Variants in TANGO6 observed in about 807,000 individuals in gnomAD.
TANGO6 encodes transport and golgi organization 6 homolog.
Under a neutral mutation model 114.2 loss-of-function variants are expected in TANGO6, and 90 were observed. The ratio of observed to expected loss-of-function variants is 0.79; its 90% CI spans 0.66 to 0.94. The LOEUF (loss-of-function observed/expected upper bound fraction) is 0.94, where lower values mean the gene tolerates loss of function less well. TANGO6 is among the 40% of genes least tolerant of loss of function. TANGO6 has a pLI of 0.00. For missense variants in TANGO6, 1,274 were observed against 1,315.3 expected, an observed-to-expected ratio of 0.97 and a Z score of 0.49; for synonymous variants, 477 against 509.8, an observed-to-expected ratio of 0.94 and a Z score of 0.87.
chr16:68,926,652 C>T (rs1183330854), intron 12 of TANGO6, among the ~76,000 whole-genome samples: 5 of 151,724 alleles, frequency 3.3e-5, no homozygotes, highest in South Asian at 4.2e-4. Context: ...CTCAGCCTTC[C>T]GAGTAGCTGG....
chr16:68,908,948 G>A (rs1962887150), intron 10 of TANGO6, among the ~76,000 whole-genome samples: 1 of 152,064 alleles, frequency 6.6e-6, no homozygotes, highest in Admixed American at 6.6e-5. Flanking sequence ...ACTCAGTAGT[G>A]TTTTTGAGAT....
intron 15 of TANGO6, among the ~76,000 whole-genome samples, chr16:68,985,627 C>A (rs1276679056): frequency 1.3e-5 from 2 of 152,140 alleles, no homozygotes; most frequent in African/African-American, 4.8e-5. Context: ...GTGGGAAGAT[C>A]ACCTGAGCCC....
At chr16:68,987,306 T>G (rs544461551) in intron 15 of TANGO6, among the ~76,000 whole-genome samples, 2 of 152,196 alleles carry the variant, frequency 1.3e-5, no homozygotes, top group Non-Finnish European at 2.9e-5. Context: ...TTCACCAAAG[T>G]GGAATTACTG....
intron 9 of TANGO6, 31 bp from the exon 10 acceptor site, chr16:68,907,412 C>T (rs1962866809): frequency 1.3e-6 from 2 of 1,546,480 alleles, no homozygotes; most frequent in Middle Eastern, 1.7e-4. Flanking sequence ...TCTGGTGACA[C>T]TACCAAGATA....
chr16:68,867,462 T>C, intron 4 of TANGO6: 2 of 426,798 alleles, frequency 4.7e-6, no homozygotes, highest in South Asian at 3.5e-5. Context: ...AACAATATTG[T>C]AAGCCATTTC....
chr16:68,871,373 T>C (rs985805907), intron 4 of TANGO6, among the ~76,000 whole-genome samples: 8 of 152,206 alleles, frequency 5.3e-5, no homozygotes, highest in African/African-American at 1.7e-4. Flanking sequence ...TGATGTACCT[T>C]GGTGTGGTGT....
chr16:68,886,313 G>A (rs553087934), intron 7 of TANGO6, among the ~76,000 whole-genome samples: 1 of 151,334 alleles, frequency 6.6e-6, no homozygotes, highest in Admixed American at 6.6e-5. Flanking sequence ...TGCCTCCCAG[G>A]TTCAAGCAAT....
intron 5 of TANGO6, among the ~76,000 whole-genome samples, chr16:68,877,071 T>A (rs907288293): frequency 1.3e-5 from 2 of 152,232 alleles, no homozygotes; most frequent in African/African-American, 2.4e-5. Context: ...TTCAAAGGTT[T>A]TATGCATTTA....
At chr16:69,080,002 C>G (rs1029619700) in intron 17 of TANGO6, among the ~76,000 whole-genome samples, 1 of 152,176 alleles carries the variant, frequency 6.6e-6, no homozygotes, top group African/African-American at 2.4e-5. Context: ...GGGAGAATCA[C>G]TTGAGGCCAG....
intron 7 of TANGO6, among the ~76,000 whole-genome samples, chr16:68,891,148 C>T (rs753080982): frequency 1.5e-4 from 22 of 148,868 alleles, no homozygotes; most frequent in Middle Eastern, 7.1e-3. Context: ...AAAAATTAGC[C>T]GGGTGTGGTG....
chr16:68,879,959 A>G (rs115318827), intron 6 of TANGO6, among the ~76,000 whole-genome samples: 3,545 of 149,396 alleles, frequency 0.024, 138 homozygotes, highest in African/African-American at 0.083. Flanking sequence ...TTTTTATTCA[A>G]TTAAGTTTAA....
intron 14 of TANGO6, among the ~76,000 whole-genome samples, chr16:68,966,063 C>T (rs2152210533): frequency 6.6e-6 from 1 of 151,654 alleles, no homozygotes; most frequent in Admixed American, 6.6e-5. Context: ...AAGACCTCGT[C>T]TCCACAAAAA....
intron 14 of TANGO6, among the ~76,000 whole-genome samples, chr16:68,947,586 T>C (rs1567546192): frequency 6.8e-6 from 1 of 147,656 alleles, no homozygotes; most frequent in Non-Finnish European, 1.5e-5. Flanking sequence ...ATAACCCATC[T>C]CTTTTTTTTT....
chr16:68,911,247 C>T (rs187728798), intron 11 of TANGO6, among the ~76,000 whole-genome samples: 23 of 151,778 alleles, frequency 1.5e-4, no homozygotes, highest in Admixed American at 4.6e-4. Context: ...CCACCGTGCC[C>T]AGCTTAAAAC....
At chr16:68,988,994 T>A (rs1420807912) in intron 15 of TANGO6, among the ~76,000 whole-genome samples, 1 of 152,024 alleles carries the variant, frequency 6.6e-6, no homozygotes, top group Non-Finnish European at 1.5e-5. Flanking sequence ...GTTTCCCAAG[T>A]ATGGGACTAC....
chr16:68,892,356 T>A (rs1439779756), intron 7 of TANGO6, among the ~76,000 whole-genome samples: 1 of 152,216 alleles, frequency 6.6e-6, no homozygotes, highest in Non-Finnish European at 1.5e-5. Context: ...GGAAGAAATG[T>A]GGAAATCCCC....
At chr16:68,929,452 G>A (rs561310931) in intron 13 of TANGO6, among the ~76,000 whole-genome samples, 13 of 152,134 alleles carry the variant, frequency 8.5e-5, no homozygotes, top group Admixed American at 3.9e-4. Context: ...AAAACTGGCC[G>A]TCTTCCTAAC....
At chr16:68,979,475 C>T (rs1185314110) in intron 15 of TANGO6, among the ~76,000 whole-genome samples, 1 of 152,082 alleles carries the variant, frequency 6.6e-6, no homozygotes, top group African/African-American at 2.4e-5. Context: ...GGTGATCCAC[C>T]CACCTCAGCC....
chr16:69,038,992 G>A (rs1461105731), intron 16 of TANGO6, among the ~76,000 whole-genome samples: 1 of 152,158 alleles, frequency 6.6e-6, no homozygotes, highest in Non-Finnish European at 1.5e-5. Flanking sequence ...GACCATCCTG[G>A]CTAACACGGT....
Sources: allele counts gnomAD v4.1 joint callset (sites outside exome capture counted in the v4.1 genomes callset), GRCh38; gene constraint gnomAD v4.1.1; transcripts MANE v1.5; gene names NCBI Gene and HGNC (gene_info 2026-07-23, HGNC 2026-07-21).